Variants in NCAN observed in about 807,000 individuals in gnomAD.
The protein encoded by NCAN is neurocan.
In NCAN, 47 loss-of-function variants were observed where a neutral mutation model predicts 121.8. The ratio of observed to expected loss-of-function variants is 0.39; its 90% CI spans 0.31 to 0.49. NCAN has a LOEUF of 0.49. Ranked by LOEUF, NCAN falls within the 20% of genes least tolerant of loss-of-function variation. The pLI, the probability that NCAN is intolerant of heterozygous loss-of-function variation, is 0.92. For missense variants in NCAN, 1,517 were observed against 1,773.4 expected (o/e 0.86, Z 2.60); for synonymous variants, 633 against 702.0 (o/e 0.90, Z 1.55).
chr19:19,235,241 G>A (rs2060876743), intron 10 of NCAN, 145 bp downstream of exon 10: 1 of 525,462 alleles, frequency 1.9e-6, no homozygotes, highest in Non-Finnish European at 3.4e-6. Flanking sequence ...TAGACAAACT[G>A]TGCGTAACAT....
At chr19:19,240,836 T>C (rs2060900824) in intron 12 of NCAN, 151 bp downstream of exon 12, 2 of 760,610 alleles carry the variant, frequency 2.6e-6, no homozygotes, top group Admixed American at 2.2e-5. Flanking sequence ...GAGCTTCAAG[T>C]GAAGGCTAAA....
intron 3 of NCAN, among the ~76,000 whole-genome samples, chr19:19,222,618 TC>T (rs1213180854): frequency 6.6e-6 from 1 of 152,150 alleles, no homozygotes; most frequent in Non-Finnish European, 1.5e-5. Context: ...ACTGTACTGG[TC>T]CAATGCTGAG....
At chr19:19,213,032 A>AC (rs1220291900) in intron 1 of NCAN, among the ~76,000 whole-genome samples, 2 of 151,804 alleles carry the variant, frequency 1.3e-5, no homozygotes, top group East Asian at 3.9e-4. Flanking sequence ...GGCAGGAGAG[A>AC]CCCCCATCCC....
At chr19:19,219,899 T>G (rs2060810214) in intron 3 of NCAN, among the ~76,000 whole-genome samples, 1 of 149,180 alleles carries the variant, frequency 6.7e-6, no homozygotes, top group African/African-American at 2.5e-5. Context: ...TGGTGATGCA[T>G]GCCTGTGATC....
At chr19:19,244,458 A>G (rs1012795783) in intron 12 of NCAN, among the ~76,000 whole-genome samples, 3 of 151,100 alleles carry the variant, frequency 2.0e-5, no homozygotes, top group Admixed American at 2.0e-4. Flanking sequence ...ACAGGCGCGC[A>G]CCATCATGCC....
Position 19,226,708 on chromosome 19 carries a change from C to A in NCAN, c.1295C>A (p.Thr432Asn), listed in dbSNP as rs752578009. 3 of 1,612,340 alleles carry A rather than the reference C, an allele frequency of 1.9e-6. No individual in the cohort carries two copies. The highest frequency in any genetic ancestry group is 2.2e-5 in the South Asian group (2 of 91,076). ...GAGTCTCAACAGACCCTCAGCCCTACCCCTGGGGACCCCATGCTGGCCTCA... is the reference window on the plus strand; with the variant it reads ...GAGTCTCAACAGACCCTCAGCCCTAACCCTGGGGACCCCATGCTGGCCTCA... ...KQESQQTLSPTPGDPMLASWP... is the reference protein window; with the variant it reads ...KQESQQTLSPNPGDPMLASWP... The change falls in exon 7 of 15, where the codon ACC (threonine) becomes AAC (asparagine). Residue 432 changes from threonine (T) to asparagine (N), a missense_variant. Coordinates refer to ENST00000252575, the MANE Select transcript of NCAN (RefSeq NM_004386.3).
intron 13 of NCAN, among the ~76,000 whole-genome samples, chr19:19,247,912 T>C (rs1186894951): frequency 3.9e-5 from 6 of 151,978 alleles, no homozygotes; most frequent in African/African-American, 1.4e-4. Context: ...GGGGGTGTCA[T>C]TCCCAATAAA....
intron 12 of NCAN, among the ~76,000 whole-genome samples, chr19:19,242,616 A>G (rs10418279): frequency 0.096 from 14,346 of 149,302 alleles, 1,305 homozygotes; most frequent in African/African-American, 0.24. Context: ...TTGAACCTGG[A>G]AGGCGTAGGT....
At chr19:19,248,439 T>C (rs2060933756) in intron 13 of NCAN, among the ~76,000 whole-genome samples, 2 of 151,822 alleles carry the variant, frequency 1.3e-5, no homozygotes, top group Non-Finnish European at 2.9e-5. Context: ...AGTGAGACCC[T>C]GTCTCAAAAA....
intron 2 of NCAN, 144 bp from the exon 3 acceptor site, chr19:19,218,771 C>G: frequency 1.3e-6 from 1 of 770,844 alleles, no homozygotes; most frequent in Non-Finnish European, 1.8e-6. Flanking sequence ...CGCGTCCAGC[C>G]ACTGCTTGGA....
intron 10 of NCAN, among the ~76,000 whole-genome samples, chr19:19,237,649 G>A (rs1211028853): frequency 6.6e-6 from 1 of 152,124 alleles, no homozygotes; most frequent in African/African-American, 2.4e-5. Flanking sequence ...TCCATACGAA[G>A]GGTGTGGCCC....
Position 19,225,266 on chromosome 19 carries a change from C to T in NCAN, c.1068C>T (p.Phe356=), listed in dbSNP as rs762548962. Reference sequence around the variant, plus strand: ...CCGAGCGCTTCGACGCCTACTGCTTCCGAGGTGCGTGCGTCCCCTGGTGGC... The same window carrying T: ...CCGAGCGCTTCGACGCCTACTGCTTTCGAGGTGCGTGCGTCCCCTGGTGGC... The part of the protein sequence containing the change: ...SPAERFDAYC[F]RAHHPTSQHG... Residue 356 remains phenylalanine (F), a synonymous_variant, in exon 6 of 15, where the codon TTC becomes TTT. Coordinates refer to ENST00000252575, the MANE Select transcript of NCAN (RefSeq NM_004386.3). This position sits in a 1 kb window ranked among gnomAD's most constrained non-coding sequence, Gnocchi z 4.0. 1.3e-5 allele frequency: 20 copies of T among 1,535,002 alleles called. No homozygotes were observed. The highest frequency in any genetic ancestry group is 1.6e-5 in the Non-Finnish European group (19 of 1,154,720).
rs1257554063 is a variant in NCAN, at chr19:19,228,054, C to G, written c.2434C>G (p.Pro812Ala). ...PGVFLVPKVT[P>A]NLEPWVATDE... ...AGTCTTCTTGGTACCCAAAGTCACCCCAAATTTGGAGCCTTGGGTTGCTAC... is the reference window on the plus strand; with the variant it reads ...AGTCTTCTTGGTACCCAAAGTCACCGCAAATTTGGAGCCTTGGGTTGCTAC... The change falls in exon 8 of 15, where the codon CCA becomes GCA. Residue 812 changes from proline (P) to alanine (A), a missense_variant. Physicochemically the swap from Pro to Ala is conservative, Grantham distance 27. Coordinates refer to ENST00000252575, the MANE Select transcript of NCAN (RefSeq NM_004386.3). The G allele has an allele frequency of 6.2e-6, 10 of 1,613,422 alleles. No individual in the cohort carries two copies. Among genetic ancestry groups the G allele is most frequent in the Non-Finnish European group, 8.5e-6 (10 of 1,180,022 alleles).
At chr19:19,230,651 T>C (rs927082635) in intron 8 of NCAN, among the ~76,000 whole-genome samples, 2 of 151,432 alleles carry the variant, frequency 1.3e-5, no homozygotes, top group South Asian at 2.1e-4. Flanking sequence ...GTCATGATGA[T>C]GGAAATAGCT....
At position 19,223,999 on chromosome 19, in the gene NCAN, C is replaced by A. The variant is rs752564259; in HGVS notation, c.476-22C>A. 1.8e-5 allele frequency: 27 copies of A among 1,499,094 alleles called. No individual in the cohort carries two copies. In the East Asian group the frequency reaches 4.2e-4, roughly 23 times the overall value. 92.9% of individuals were successfully genotyped at this position (1,499,094 alleles called of 1,614,324 possible). A position where few individuals can be genotyped will look rare whatever the true frequency, so the allele number is the denominator to read the frequency against. ...TTCCAGCATAAGTCAACTGTCCCCC[C>A]ATCCTGGATGTTCCCCCACAGGTGT... On this transcript the variant is annotated intron_variant, in intron 3 of 14. Transcript: ENST00000252575.
intron 13 of NCAN, among the ~76,000 whole-genome samples, chr19:19,245,950 G>A (rs2060922973): frequency 6.6e-6 from 1 of 152,088 alleles, no homozygotes. Flanking sequence ...GGCCGCTCGG[G>A]GTGGCTCATG....
At chr19:19,216,896 G>T in intron 1 of NCAN, 51 bp from the exon 2 acceptor site, 1 of 1,110,750 alleles carries the variant, frequency 9.0e-7, no homozygotes, top group South Asian at 3.7e-5. Flanking sequence ...CTGAATATCT[G>T]GGAGGGTTGG....
chr19:19,228,706 G>A, intron 8 of NCAN, 67 bp downstream of exon 8: 1 of 1,502,696 alleles, frequency 6.7e-7, no homozygotes, highest in East Asian at 2.3e-5. Flanking sequence ...AGGGGCTGGG[G>A]GATCCCAGAG....
chr19:19,233,279 C>T (rs1171940111), intron 8 of NCAN, among the ~76,000 whole-genome samples: 3 of 151,728 alleles, frequency 2.0e-5, no homozygotes, highest in Non-Finnish European at 2.9e-5. Context: ...TTCCACTGGG[C>T]AGTGGAATGG....
Sources: allele counts gnomAD v4.1 joint callset (sites outside exome capture counted in the v4.1 genomes callset), GRCh38; gene constraint gnomAD v4.1.1; non-coding constraint Gnocchi (gnomAD v3.1); transcripts MANE v1.5; gene names NCBI Gene and HGNC (gene_info 2026-07-23, HGNC 2026-07-21).